CSMD3: variants seen among roughly 807,000 people sequenced by gnomAD.
CSMD3 encodes the protein CUB and sushi domain-containing protein 3.
A neutral mutation model predicts 435.2 loss-of-function variants in CSMD3; 177 were observed. The ratio of observed to expected loss-of-function variants is 0.41; its 90% CI spans 0.36 to 0.46. The LOEUF is 0.46. Among genes scored for constraint, CSMD3 ranks in the 20% least tolerant of loss-of-function variants. The pLI is 0.34. For synonymous variants in CSMD3, 1,656 were observed against 1,520.5 expected, an observed-to-expected ratio of 1.09 and a Z score of -2.07; for missense variants, 4,265 against 4,504.6, an observed-to-expected ratio of 0.95 and a Z score of 1.52.
intron 3 of CSMD3, among the ~76,000 whole-genome samples, chr8:113,205,077 G>A (rs1392007137): frequency 2.0e-5 from 3 of 151,732 alleles, no homozygotes; most frequent in Non-Finnish European, 4.4e-5. Flanking sequence ...TCCACCTCTC[G>A]GGTTCAAGAG....
intron 11 of CSMD3, among the ~76,000 whole-genome samples, chr8:112,850,614 C>T (rs1016408358): frequency 2.0e-5 from 3 of 152,166 alleles, no homozygotes; most frequent in African/African-American, 7.2e-5. Flanking sequence ...TGAAACAGAT[C>T]ATAGTTTTTG....
chr8:112,486,393 C>T (rs1326925740), intron 31 of CSMD3, among the ~76,000 whole-genome samples: 5 of 152,056 alleles, frequency 3.3e-5, no homozygotes, highest in Non-Finnish European at 7.4e-5. Flanking sequence ...ATGAACCTCT[C>T]TCTGTGTCTT....
intron 1 of CSMD3, among the ~76,000 whole-genome samples, chr8:113,435,068 A>C (rs1157907040): frequency 1.3e-5 from 2 of 151,684 alleles, no homozygotes; most frequent in Non-Finnish European, 2.9e-5. Flanking sequence ...TTAACCACCA[A>C]CTCCCAGTGG....
At chr8:112,617,697 A>C (rs1330381862) in intron 22 of CSMD3, among the ~76,000 whole-genome samples, 1 of 152,150 alleles carries the variant, frequency 6.6e-6, no homozygotes, top group Non-Finnish European at 1.5e-5. Flanking sequence ...GTATGTTACC[A>C]GTCATTGCCC....
intron 3 of CSMD3, among the ~76,000 whole-genome samples, chr8:113,178,213 A>G (rs2092375480): frequency 6.6e-6 from 1 of 151,956 alleles, no homozygotes; most frequent in African/African-American, 2.4e-5. Context: ...AACACTAGAC[A>G]TTATGGGTAT....
intron 38 of CSMD3, among the ~76,000 whole-genome samples, chr8:112,359,313 C>A (rs1028712668): frequency 7.9e-5 from 12 of 152,094 alleles, no homozygotes; most frequent in Non-Finnish European, 1.6e-4. Flanking sequence ...GATAGATATT[C>A]TTGTAGCACC....
At chr8:113,308,461 G>A (rs1251085499) in intron 2 of CSMD3, among the ~76,000 whole-genome samples, 3 of 151,656 alleles carry the variant, frequency 2.0e-5, no homozygotes, top group African/African-American at 7.3e-5. Context: ...GTAAAGACGG[G>A]CTTTCACTGT....
At chr8:112,261,259 T>G (rs1816369401) in intron 61 of CSMD3, among the ~76,000 whole-genome samples, 1 of 152,106 alleles carries the variant, frequency 6.6e-6, no homozygotes, top group Admixed American at 6.6e-5. Context: ...AAATATATAT[T>G]TATTTTATAC....
intron 20 of CSMD3, among the ~76,000 whole-genome samples, chr8:112,643,124 T>C (rs2131604813): frequency 6.6e-6 from 1 of 151,994 alleles, no homozygotes; most frequent in East Asian, 1.9e-4. Flanking sequence ...GAATGGTGAG[T>C]TGATGTGTTT....
intron 17 of CSMD3, among the ~76,000 whole-genome samples, chr8:112,660,758 T>A (rs2075360970): frequency 6.6e-6 from 1 of 152,226 alleles, no homozygotes; most frequent in Non-Finnish European, 1.5e-5. Context: ...TGTGCTCTGT[T>A]TATTCTAAAA....
chr8:112,392,864 C>CTTTTTTT (rs56809581), intron 35 of CSMD3, among the ~76,000 whole-genome samples: 1 of 122,164 alleles, frequency 8.2e-6, no homozygotes, highest in Non-Finnish European at 1.7e-5. Flanking sequence ...TCTTTTTTTT[C>CTTTTTTT]TTTTTTTTTT....
chr8:112,820,341 G>C (rs2079494176), intron 12 of CSMD3, among the ~76,000 whole-genome samples: 1 of 152,022 alleles, frequency 6.6e-6, no homozygotes, highest in South Asian at 2.1e-4. Flanking sequence ...TAAGAAAGAG[G>C]TCAATTGTTA....
Position 112,725,770 on chromosome 8 carries a change from G to C in CSMD3, c.1973-35720C>G, listed in dbSNP as rs12540989. ...CTGTGACTCAAACGGAAGTTATGAA[G>C]TTTGAATTAATTTGAATTTCAATCC... On this transcript the variant is annotated intron_variant, in intron 13 of 70. Transcript: ENST00000297405. Among the ~76,000 whole-genome samples the C allele has an allele frequency of 3.0e-3, 450 of 151,980 alleles. 4 individuals are homozygous for C. The East Asian group carries it at 0.034, about 11-fold the overall frequency.
At chr8:112,520,247 T>C (rs1247052414) in intron 27 of CSMD3, among the ~76,000 whole-genome samples, 1 of 152,052 alleles carries the variant, frequency 6.6e-6, no homozygotes, top group Non-Finnish European at 1.5e-5. Flanking sequence ...GCATATAGCA[T>C]GCAAAGCACT....
At chr8:112,528,102 A>G (rs1825158507) in intron 27 of CSMD3, among the ~76,000 whole-genome samples, 1 of 152,144 alleles carries the variant, frequency 6.6e-6, no homozygotes, top group Admixed American at 6.5e-5. Flanking sequence ...TAACTAATAC[A>G]CTGTATGCAA....
intron 27 of CSMD3, among the ~76,000 whole-genome samples, chr8:112,538,603 C>T (rs554587399): frequency 6.6e-6 from 1 of 151,744 alleles, no homozygotes; most frequent in Admixed American, 6.6e-5. Context: ...TTTACAATAG[C>T]TACAAAATAT....
At chr8:113,111,091 T>C (rs1215877349) in intron 4 of CSMD3, among the ~76,000 whole-genome samples, 1 of 152,126 alleles carries the variant, frequency 6.6e-6, no homozygotes, top group African/African-American at 2.4e-5. Flanking sequence ...AGGATTTCAA[T>C]GTATGAATTT....
chr8:113,016,766 C>T (rs1000521328), intron 6 of CSMD3, among the ~76,000 whole-genome samples: 5 of 151,778 alleles, frequency 3.3e-5, no homozygotes, highest in Non-Finnish European at 5.9e-5. Flanking sequence ...TAGCATGGAA[C>T]AATGTAAAAA....
At chr8:113,311,105 T>C (rs2093864918) in intron 2 of CSMD3, 1 of 152,024 alleles carries the variant, frequency 6.6e-6, no homozygotes, top group Non-Finnish European at 1.5e-5. Flanking sequence ...ATTTTTTACT[T>C]GTTGGTATAA....
Sources: allele counts gnomAD v4.1 joint callset (sites outside exome capture counted in the v4.1 genomes callset), GRCh38; gene constraint gnomAD v4.1.1; transcripts MANE v1.5; gene names NCBI Gene and HGNC (gene_info 2026-07-23, HGNC 2026-07-21).